The following SH3GL2 variants were observed in gnomAD, a reference collection of about 807,000 sequenced individuals.
SH3GL2 encodes the protein SH3 domain containing GRB2 like 2, endophilin A1, also known as endophilin-A1.
In SH3GL2, 24 loss-of-function variants were observed where a neutral mutation model predicts 46.0. The observed-to-expected ratio is 0.52, with a 90% confidence interval of 0.38 to 0.73. The LOEUF (loss-of-function observed/expected upper bound fraction) is 0.73, where lower values mean the gene tolerates loss of function less well. Ranked by LOEUF, SH3GL2 falls within the 30% of genes least tolerant of loss-of-function variation. SH3GL2 has a pLI of 0.00. For synonymous variants in SH3GL2, 196 were observed against 147.1 expected (o/e 1.33, Z -2.40); for missense variants, 413 against 424.2 (o/e 0.97, Z 0.23).
At position 17,621,918 on chromosome 9, in the gene SH3GL2, T is replaced by C. The variant is rs148610641; in HGVS notation, c.45+42631T>C. 6.0e-3 allele frequency among the ~76,000 whole-genome samples: 916 copies of C among 152,318 alleles called. 10 individuals carry two copies. The highest frequency in any genetic ancestry group is 0.021 in the African/African-American group (881 of 41,572). On this transcript the variant is annotated intron_variant, in intron 1 of 8. Coordinates refer to ENST00000380607, the MANE Select transcript of SH3GL2 (RefSeq NM_003026.5). ...ACTTTGCCCAATAAAAATGTTGCTCTACAACCCTTAATTTTTATAACTGTT... is the reference window on the plus strand; with the variant it reads ...ACTTTGCCCAATAAAAATGTTGCTCCACAACCCTTAATTTTTATAACTGTT...
chr9:17,719,559 G>A (rs1243725583), intron 1 of SH3GL2, among the ~76,000 whole-genome samples: 1 of 152,102 alleles, frequency 6.6e-6, no homozygotes, highest in Non-Finnish European at 1.5e-5. Context: ...GCCAACGTGG[G>A]AGGATAGCTT....
At chr9:17,778,314 C>G (rs1333448085) in intron 3 of SH3GL2, among the ~76,000 whole-genome samples, 1 of 152,072 alleles carries the variant, frequency 6.6e-6, no homozygotes. Context: ...CAGGCAAAGC[C>G]CCTGCCCTCA....
rs1020878996 is a variant in SH3GL2, at chr9:17,605,482, A to G, written c.45+26195A>G. Among the ~76,000 whole-genome samples, 8 of 152,144 alleles carry G rather than the reference A, an allele frequency of 5.3e-5. No individual in the cohort carries two copies. In the East Asian group the frequency reaches 9.7e-4, roughly 18 times the overall value. On this transcript the variant is annotated intron_variant, in intron 1 of 8. Coordinates refer to ENST00000380607, the MANE Select transcript of SH3GL2 (RefSeq NM_003026.5). ...TTGAGAACCAGTATATGATAGGGGTAAGAGGCTAGAAATATAAAGGGTAAT... is the reference window on the plus strand; with the variant it reads ...TTGAGAACCAGTATATGATAGGGGTGAGAGGCTAGAAATATAAAGGGTAAT...
intron 1 of SH3GL2, among the ~76,000 whole-genome samples, chr9:17,738,661 G>GAGAGAGAGAGAGAGAGAGAC (rs371733137): frequency 8.3e-5 from 11 of 132,168 alleles, no homozygotes; most frequent in African/African-American, 1.9e-4. Context: ...GAGAGAGAGA[G>GAGAGAGAGAGAGAGAGAGAC]AGAGAGAGAG....
At chr9:17,615,896 T>A (rs1818982863) in intron 1 of SH3GL2, among the ~76,000 whole-genome samples, 2 of 152,148 alleles carry the variant, frequency 1.3e-5, no homozygotes, top group Non-Finnish European at 2.9e-5. Context: ...CTTAAAATGT[T>A]TTTGCTCCAT....
intron 1 of SH3GL2, among the ~76,000 whole-genome samples, chr9:17,643,170 C>T (rs1373800444): frequency 2.0e-5 from 3 of 152,112 alleles, no homozygotes; most frequent in Admixed American, 6.5e-5. Flanking sequence ...GGAGTTTGCT[C>T]ATGATTTGGC....
At chr9:17,619,677 C>A (rs1170446557) in intron 1 of SH3GL2, among the ~76,000 whole-genome samples, 9 of 146,196 alleles carry the variant, frequency 6.2e-5, no homozygotes, top group African/African-American at 2.0e-4. Flanking sequence ...AACTCCATCT[C>A]AAAAAAAAAA....
Position 17,789,464 on chromosome 9 carries a change from G to A in SH3GL2, c.538G>A (p.Asp180Asn). The A allele has an allele frequency of 6.2e-7, 1 of 1,613,488 alleles. No homozygotes were observed. The highest frequency in any genetic ancestry group is 8.5e-7 in the Non-Finnish European group (1 of 1,179,564). Residue 180 changes from aspartate to asparagine, a missense_variant, in exon 6 of 9, where the codon GAT becomes AAT. Asp to Asn is a conservative substitution (Grantham distance 23). Transcript: ENST00000380607. ...GAAGAAACGACAAGGCAAGATTCCGGATGAAGAGCTTCGTCAAGCTCTAGA... is the reference window on the plus strand; with the variant it reads ...GAAGAAACGACAAGGCAAGATTCCGAATGAAGAGCTTCGTCAAGCTCTAGA... Reference protein sequence around the residue: ...YKKKRQGKIPDEELRQALEKF... With the variant: ...YKKKRQGKIPNEELRQALEKF...
intron 1 of SH3GL2, among the ~76,000 whole-genome samples, chr9:17,616,244 G>A (rs776319695): frequency 6.6e-6 from 1 of 152,162 alleles, no homozygotes; most frequent in African/African-American, 2.4e-5. Context: ...GTTTATAAAA[G>A]AAATATGAGG....
intron 3 of SH3GL2, among the ~76,000 whole-genome samples, chr9:17,768,771 G>T (rs1823391655): frequency 6.6e-6 from 1 of 152,072 alleles, no homozygotes; most frequent in African/African-American, 2.4e-5. Context: ...ACTCTGAGTG[G>T]TGTCTTCTGA....
intron 3 of SH3GL2, among the ~76,000 whole-genome samples, chr9:17,771,657 G>C (rs1443218721): frequency 6.6e-6 from 1 of 152,196 alleles, no homozygotes; most frequent in South Asian, 2.1e-4. Flanking sequence ...CACTCTGTGA[G>C]ACCTGTGTTG....
chr9:17,703,718 A>G (rs569413063), intron 1 of SH3GL2, among the ~76,000 whole-genome samples: 1 of 152,074 alleles, frequency 6.6e-6, no homozygotes, highest in Non-Finnish European at 1.5e-5. Context: ...GATCATCTCA[A>G]TAGACGCAGA....
Position 17,761,372 on chromosome 9 carries a change from A to G in SH3GL2, c.115-65A>G, listed in dbSNP as rs373120306. ...TACCCCGCCATTGTATACAGACTCA[A>G]CCAAAAACCGGTATTCTAAAGCTCA... On this transcript the variant is annotated intron_variant, in intron 2 of 8. Coordinates refer to ENST00000380607, the MANE Select transcript of SH3GL2 (RefSeq NM_003026.5). The G allele has an allele frequency of 4.8e-6, 5 of 1,037,370 alleles. No homozygotes were observed. The Admixed American group carries it at 5.1e-5, about 11-fold the overall frequency. The allele number at this position is 1,037,370 out of a possible 1,614,324, so 64.3% of individuals were successfully genotyped here. A position where few individuals can be genotyped will look rare whatever the true frequency, so the allele number is the denominator to read the frequency against.
chr9:17,672,986 T>C (rs1190066784), intron 1 of SH3GL2, among the ~76,000 whole-genome samples: 1 of 152,182 alleles, frequency 6.6e-6, no homozygotes, highest in East Asian at 1.9e-4. Flanking sequence ...TGCTCTGTCA[T>C]GTCTTGGGTA....
intron 3 of SH3GL2, among the ~76,000 whole-genome samples, chr9:17,774,195 G>A (rs987574631): frequency 7.2e-5 from 11 of 152,032 alleles, no homozygotes; most frequent in Non-Finnish European, 1.3e-4. Flanking sequence ...ACAGCTTTTT[G>A]TGGGAAATCT....
chr9:17,585,272 C>A (rs1206388705), intron 1 of SH3GL2, among the ~76,000 whole-genome samples: 1 of 152,152 alleles, frequency 6.6e-6, no homozygotes, highest in East Asian at 1.9e-4. Context: ...TTAAGAACTG[C>A]TTCAAACTTT....
rs1297050996 is a variant in SH3GL2 at position 17,786,871 on chromosome 9, C to T, written c.331+347C>T. Among the ~76,000 whole-genome samples, 3 of 152,234 alleles carry T rather than the reference C, an allele frequency of 2.0e-5. No individual in the cohort carries two copies. The East Asian group carries it at 5.8e-4, about 29-fold the overall frequency. ...CACAGTCAGCATGATTCAAAGCCCT[C>T]CCTGCCTCATGGCCTTTTTCATAGA... is the stretch of plus-strand genomic sequence containing the variant. On this transcript the variant is annotated intron_variant, in intron 4 of 8. Transcript: ENST00000380607.
rs1040446685 is a variant in SH3GL2 at position 17,603,524 on chromosome 9, T to C, written c.45+24237T>C. On this transcript the variant is annotated intron_variant, in intron 1 of 8. Transcript: ENST00000380607. ...GGTACAGAGTTTCAGATGGGAGAGA[T>C]GGAAAGAGTTCTAGAGATGGACGGT... Among the ~76,000 whole-genome samples, 3 of 151,922 alleles carry C rather than the reference T, an allele frequency of 2.0e-5. No homozygotes were observed. In the East Asian group the frequency reaches 5.8e-4, roughly 29 times the overall value.
intron 1 of SH3GL2, among the ~76,000 whole-genome samples, chr9:17,652,296 C>A (rs1430949350): frequency 6.6e-6 from 1 of 151,896 alleles, no homozygotes; most frequent in African/African-American, 2.4e-5. Context: ...TCCCTCATTT[C>A]TTCTTTAAAT....
Sources: allele counts gnomAD v4.1 joint callset (sites outside exome capture counted in the v4.1 genomes callset), GRCh38; gene constraint gnomAD v4.1.1; transcripts MANE v1.5; gene names NCBI Gene and HGNC (gene_info 2026-07-23, HGNC 2026-07-21).